DBF4B: variants seen among roughly 807,000 people sequenced by gnomAD.
DBF4B encodes protein DBF4 homolog B.
DBF4B carries 49 observed loss-of-function variants against 53.4 expected under a neutral mutation model. That is an observed-to-expected ratio of 0.92 (90% CI 0.73 to 1.16). DBF4B has a LOEUF of 1.16. Ranked by LOEUF, DBF4B falls within the 50% of genes most tolerant of loss-of-function variation. DBF4B has a pLI of 0.00. For synonymous variants in DBF4B, 257 were observed against 288.7 expected, an observed-to-expected ratio of 0.89 and a Z score of 1.11; for missense variants, 692 against 775.0, an observed-to-expected ratio of 0.89 and a Z score of 1.27.
chr17:44,718,809 CT>C (rs1382807406), intron 2 of DBF4B: 2 of 151,600 alleles, frequency 1.3e-5, no homozygotes, highest in Non-Finnish European at 1.5e-5. Context: ...AATTGTTTTT[CT>C]TTTAGAGCTG....
At chr17:44,740,305 C>T (rs1975874305) in intron 9 of DBF4B, among the ~76,000 whole-genome samples, 1 of 152,206 alleles carries the variant, frequency 6.6e-6, no homozygotes, top group Admixed American at 6.5e-5. Context: ...CCCTGGCTTG[C>T]ACTGTTTCCC....
chr17:44,746,231 C>CAA (rs11322604), intron 10 of DBF4B, among the ~76,000 whole-genome samples: 7 of 87,716 alleles, frequency 8.0e-5, no homozygotes, highest in African/African-American at 9.8e-5. Context: ...TACTCCATCT[C>CAA]AAAAAAAAAA....
At chr17:44,711,361 A>T (rs1449118052) in intron 2 of DBF4B, among the ~76,000 whole-genome samples, 1 of 152,126 alleles carries the variant, frequency 6.6e-6, no homozygotes, top group Non-Finnish European at 1.5e-5. Flanking sequence ...CCCAGGCTAG[A>T]GTACAGTGGC....
rs756791912 is a variant in DBF4B, at chr17:44,722,908, G to C, written c.111G>C (p.Gln37His). 1.2e-6 allele frequency: 2 copies of C among 1,614,170 alleles called. No homozygotes were observed. ...TTTCCAGGTGTCTAGGAAAATGCCA[G>C]AAGAACTCACCAGGTGCCAGGAAGC... Reference protein sequence around the residue: ...LGVSRCLGKCQKNSPGARKHP... With the variant: ...LGVSRCLGKCHKNSPGARKHP... Residue 37 changes from glutamine (Q) to histidine (H), a missense_variant, in exon 3 of 14, where the codon CAG becomes CAC. Transcript: ENST00000315005.
Position 44,748,441 on chromosome 17 carries a change from AAAG to A in DBF4B, c.1170_1172del (p.Glu390del). 2 of 1,614,050 alleles carry A rather than the reference AAAG, an allele frequency of 1.2e-6. No homozygotes were observed. Among genetic ancestry groups the A allele is most frequent in the South Asian group, 1.1e-5 (1 of 91,078 alleles). ...CAGGGCAGCATCTCCCAGGATAAGG[AAAG>A]AAGACAGCTGCCAGGCATCAGGTAT... is the stretch of plus-strand genomic sequence containing the variant. On this transcript the variant is annotated inframe_deletion, in exon 13 of 14. Transcript: ENST00000315005.
rs766872369 is a variant in DBF4B at position 44,741,288 on chromosome 17, C to G, written c.714-48C>G. 7 of 1,425,332 alleles carry G rather than the reference C, an allele frequency of 4.9e-6. No individual in the cohort carries two copies. The Admixed American group carries it at 8.4e-5, about 17-fold the overall frequency. 88.3% of individuals were successfully genotyped at this position (1,425,332 alleles called of 1,614,324 possible). On this transcript the variant is annotated intron_variant, in intron 9 of 13. Coordinates refer to ENST00000315005, the MANE Select transcript of DBF4B (RefSeq NM_145663.3). Reference sequence around the variant, plus strand: ...GCATTGGGCGAGGCCCCCTCCTCAGCCTTTACCTTCCCCATTGTAGTCAAA... The same window carrying G: ...GCATTGGGCGAGGCCCCCTCCTCAGGCTTTACCTTCCCCATTGTAGTCAAA...
At position 44,734,107 on chromosome 17, in the gene DBF4B, C is replaced by T; in HGVS notation, c.574C>T (p.Gln192Ter). The T allele has an allele frequency of 6.2e-7, 1 of 1,614,180 alleles. No individual in the cohort carries two copies. The highest frequency in any genetic ancestry group is 2.2e-5 in the East Asian group (1 of 44,886). Reference protein sequence around the residue: ...LHVDEMMMHVQQLSLASLCVK... With the variant: ...LHVDEMMMHV The stretch of plus-strand genomic sequence containing the variant: ...CTCCACAGAAATGATGATGCACGTG[C>T]AACAGCTGTCTCTTGCGTCTTTATG... The change falls in exon 7 of 14, where the codon CAA becomes TAA. Residue 192 changes from glutamine to a stop codon, truncating the protein, a stop_gained. Transcript: ENST00000315005. LOFTEE classifies it high-confidence loss of function.
chr17:44,710,130 G>T (rs1972733048), intron 2 of DBF4B, among the ~76,000 whole-genome samples: 1 of 151,638 alleles, frequency 6.6e-6, no homozygotes, highest in Non-Finnish European at 1.5e-5. Context: ...CCGAGATTGC[G>T]CCACTGCACT....
chr17:44,748,767 A>AT (rs2049181291), intron 13 of DBF4B: 8 of 1,328,918 alleles, frequency 6.0e-6, no homozygotes, highest in Non-Finnish European at 7.9e-6. Flanking sequence ...CACAGGCTTC[A>AT]TTTTTTGTCC....
intron 2 of DBF4B, among the ~76,000 whole-genome samples, chr17:44,714,664 A>T (rs763438797): frequency 2.6e-5 from 4 of 152,060 alleles, no homozygotes; most frequent in Non-Finnish European, 4.4e-5. Flanking sequence ...TGTATTGTGC[A>T]TAGCGATATA....
At chr17:44,744,738 G>T (rs1976437512) in intron 10 of DBF4B, among the ~76,000 whole-genome samples, 1 of 152,130 alleles carries the variant, frequency 6.6e-6, no homozygotes, top group African/African-American at 2.4e-5. Context: ...CTCATGCTGT[G>T]ACTGGCAGAT....
Position 44,708,772 on chromosome 17 carries a change from G to A in DBF4B, c.-49G>A, listed in dbSNP as rs181782446. On this transcript the variant is annotated 5_prime_UTR_variant, in exon 1 of 14. Coordinates refer to ENST00000315005, the MANE Select transcript of DBF4B (RefSeq NM_145663.3). ...CTCATGGAGCTCGCGAATGTAATAC[G>A]GAGGCCTCTGAGGAAGGAGTACGGA... 81 of 1,547,266 alleles carry A rather than the reference G, an allele frequency of 5.2e-5. No homozygotes were observed. The highest frequency in any genetic ancestry group is 3.4e-4 in the Middle Eastern group (2 of 5,964).
chr17:44,712,114 A>G (rs1972937797), intron 2 of DBF4B, among the ~76,000 whole-genome samples: 1 of 151,592 alleles, frequency 6.6e-6, no homozygotes, highest in Non-Finnish European at 1.5e-5. Flanking sequence ...GAAAAAAAAA[A>G]AAAAGCCAAA....
At chr17:44,746,680 A>C (rs953270330) in intron 10 of DBF4B, among the ~76,000 whole-genome samples, 1 of 151,838 alleles carries the variant, frequency 6.6e-6, no homozygotes, top group African/African-American at 2.4e-5. Flanking sequence ...TGAGTTGAGC[A>C]TTGTGGCGGG....
intron 10 of DBF4B, among the ~76,000 whole-genome samples, chr17:44,744,053 A>G (rs1281764760): frequency 7.2e-6 from 1 of 138,552 alleles, no homozygotes; most frequent in African/African-American, 2.7e-5. Flanking sequence ...CAGGAGTTCG[A>G]GACCAGCCTG....
chr17:44,747,582 G>C lies in DBF4B; in HGVS notation c.1064+67G>C, dbSNP rs2049140822. ...CTCTGTTGCCCTCTGGGTGGGAAGA[G>C]ACCCTCAGGTTGGTGGCTGCTGGGA... On this transcript the variant is annotated intron_variant, in intron 12 of 13. Transcript: ENST00000315005. The C allele has an allele frequency of 1.9e-6, 3 of 1,587,512 alleles. No individual in the cohort carries two copies. In the African/African-American group the frequency reaches 4.0e-5, roughly 21 times the overall value.
chr17:44,732,133 C>T, intron 5 of DBF4B, 45 bp from the exon 6 acceptor site: 1 of 1,599,834 alleles, frequency 6.3e-7, no homozygotes, highest in Non-Finnish European at 8.6e-7. Flanking sequence ...ACTTTCAGGC[C>T]TTGGGGAGTC....
intron 2 of DBF4B, among the ~76,000 whole-genome samples, chr17:44,710,282 C>A (rs1972748767): frequency 6.6e-6 from 1 of 152,124 alleles, no homozygotes; most frequent in African/African-American, 2.4e-5. Context: ...CTGAGTTATT[C>A]ATTCTTCCCA....
chr17:44,727,023 C>G (rs1047853109), intron 3 of DBF4B, among the ~76,000 whole-genome samples: 1 of 144,026 alleles, frequency 6.9e-6, no homozygotes. Context: ...TGCTTGAAAC[C>G]GGGAGGTGGA....
Sources: allele counts gnomAD v4.1 joint callset (sites outside exome capture counted in the v4.1 genomes callset), GRCh38; gene constraint gnomAD v4.1.1; transcripts MANE v1.5; gene names NCBI Gene and HGNC (gene_info 2026-07-23, HGNC 2026-07-21).